The following AKAP19 variants were observed in gnomAD, a reference collection of about 807,000 sequenced individuals.
The protein encoded by AKAP19 is A-kinase anchoring protein 19, also known as small A-kinase anchoring protein.
At chr2:190,087,375 G>T in the AKAP19 span, among the ~76,000 whole-genome samples, 1 of 152,198 alleles carries the variant, frequency 6.6e-6, no homozygotes, top group South Asian at 2.1e-4. Context: ...CGTTGCTAGG[G>T]CCAAAGTGTT....
At chr2:189,896,808 A>T in the AKAP19 span, among the ~76,000 whole-genome samples, 3 of 152,108 alleles carry the variant, frequency 2.0e-5, no homozygotes, top group African/African-American at 7.2e-5. Flanking sequence ...CTTTCCCCAA[A>T]GGATAAAGAA....
chr2:190,001,833 ACTT>A, the AKAP19 span, among the ~76,000 whole-genome samples: 5,218 of 152,256 alleles, frequency 0.034, 281 homozygotes, highest in African/African-American at 0.11. Flanking sequence ...TGGAACTACT[ACTT>A]CTTCTCTATG....
the AKAP19 span, among the ~76,000 whole-genome samples, chr2:189,960,796 A>C: frequency 6.6e-6 from 1 of 152,120 alleles, no homozygotes; most frequent in Non-Finnish European, 1.5e-5. Context: ...CCCTGACCCC[A>C]CCTTTGTGTA....
the AKAP19 span, among the ~76,000 whole-genome samples, chr2:189,947,034 T>A: frequency 6.6e-6 from 1 of 152,228 alleles, no homozygotes; most frequent in African/African-American, 2.4e-5. Flanking sequence ...CAGTTTCATT[T>A]CTTTCTTTTT....
the AKAP19 span, among the ~76,000 whole-genome samples, chr2:190,176,141 C>G: frequency 2.0e-5 from 3 of 152,198 alleles, no homozygotes; most frequent in South Asian, 6.2e-4. This position sits in a 1 kb window ranked among gnomAD's most constrained non-coding sequence, Gnocchi z 4.7. Context: ...AACAGCAACT[C>G]TGCTGGTAGG....
the AKAP19 span, among the ~76,000 whole-genome samples, chr2:190,151,020 A>G: frequency 6.6e-6 from 1 of 152,130 alleles, no homozygotes; most frequent in South Asian, 2.1e-4. Context: ...TGTCTATAAA[A>G]TTGGCCTTTT....
the AKAP19 span, among the ~76,000 whole-genome samples, chr2:190,000,392 C>G: frequency 8.5e-5 from 13 of 152,348 alleles, no homozygotes; most frequent in African/African-American, 2.9e-4. Flanking sequence ...AGCTCATCCT[C>G]AAACCACAAG....
the AKAP19 span, chr2:190,181,259 C>T: frequency 3.4e-6 from 2 of 592,668 alleles, no homozygotes; most frequent in African/African-American, 2.0e-5. Flanking sequence ...AGCCAGCTGC[C>T]GTGGATAGAG....
chr2:189,944,452 G>A, the AKAP19 span, among the ~76,000 whole-genome samples: 1 of 152,086 alleles, frequency 6.6e-6, no homozygotes, highest in Non-Finnish European at 1.5e-5. Context: ...ACAGAGCTGT[G>A]AGCCAATTAA....
chr2:190,162,255 C>A, the AKAP19 span, among the ~76,000 whole-genome samples: 2 of 151,948 alleles, frequency 1.3e-5, no homozygotes, highest in Admixed American at 1.3e-4. Flanking sequence ...AATTGTAATA[C>A]AGTAATATTT....
the AKAP19 span, among the ~76,000 whole-genome samples, chr2:189,926,829 C>T: frequency 3.4e-4 from 51 of 151,982 alleles, no homozygotes; most frequent in East Asian, 7.2e-3. Flanking sequence ...ATGATGCGCC[C>T]GTCTTGGCCT....
the AKAP19 span, among the ~76,000 whole-genome samples, chr2:190,158,416 G>T: frequency 6.6e-6 from 1 of 152,034 alleles, no homozygotes; most frequent in Admixed American, 6.6e-5. Flanking sequence ...AATTGGTGAC[G>T]TATTTCTCAC....
chr2:189,937,586 A>G, the AKAP19 span, among the ~76,000 whole-genome samples: 28,886 of 152,226 alleles, frequency 0.19, 2,842 homozygotes, highest in Middle Eastern at 0.26. Context: ...TAATAATCCA[A>G]TTGAAAAATT....
chr2:190,119,797 A>T, the AKAP19 span, among the ~76,000 whole-genome samples: 36,285 of 152,116 alleles, frequency 0.24, 4,593 homozygotes, highest in Admixed American at 0.29. Context: ...CAGATATTTG[A>T]AAGAAAAAAT....
chr2:189,983,726 C>T, the AKAP19 span, among the ~76,000 whole-genome samples: 1 of 152,184 alleles, frequency 6.6e-6, no homozygotes, highest in Non-Finnish European at 1.5e-5. Context: ...ACCCATTGGT[C>T]CCTTGTGCTT....
chr2:190,084,117 G>A, the AKAP19 span, among the ~76,000 whole-genome samples: 1 of 132,752 alleles, frequency 7.5e-6, no homozygotes, highest in Non-Finnish European at 1.6e-5. Flanking sequence ...TTCTGAGACA[G>A]AGTCTGGCTC....
chr2:190,056,765 C>T, the AKAP19 span: 10,605 of 164,046 alleles, frequency 0.065, 855 homozygotes, highest in African/African-American at 0.2. Context: ...TGCACCATCC[C>T]TATTTTTGTG....
chr2:189,896,032 G>T, the AKAP19 span, among the ~76,000 whole-genome samples: 7 of 150,494 alleles, frequency 4.7e-5, no homozygotes, highest in East Asian at 2.0e-4. Context: ...AAAACATACT[G>T]CTAAAATTTC....
chr2:190,060,484 C>T, the AKAP19 span: 1 of 1,523,178 alleles, frequency 6.6e-7, no homozygotes, highest in Non-Finnish European at 9.0e-7. Flanking sequence ...TTCCCATTAA[C>T]AAAACCCCTC....
Sources: allele counts gnomAD v4.1 joint callset (sites outside exome capture counted in the v4.1 genomes callset), GRCh38; gene constraint gnomAD v4.1.1; non-coding constraint Gnocchi (gnomAD v3.1); transcripts MANE v1.5; gene names NCBI Gene and HGNC (gene_info 2026-07-23, HGNC 2026-07-21).